Variants in UBASH3A observed in about 807,000 individuals in gnomAD.
The protein encoded by UBASH3A is ubiquitin-associated and SH3 domain-containing protein A.
In UBASH3A, 63 loss-of-function variants were observed where a neutral mutation model predicts 73.5. That is an observed-to-expected ratio of 0.86 (90% CI 0.70 to 1.06). The LOEUF (loss-of-function observed/expected upper bound fraction) is 1.06. Ranked by LOEUF, UBASH3A falls within the 50% of genes least tolerant of loss-of-function variation. The pLI, the probability that UBASH3A is intolerant of heterozygous loss-of-function variation, is 0.00. For missense variants in UBASH3A, 860 were observed against 859.0 expected (o/e 1.00, Z -0.02); for synonymous variants, 363 against 351.1 (o/e 1.03, Z -0.38).
intron 13 of UBASH3A, among the ~76,000 whole-genome samples, chr21:42,444,115 C>T (rs184020259): frequency 2.0e-5 from 3 of 152,348 alleles, no homozygotes; most frequent in East Asian, 3.9e-4. Flanking sequence ...GAGACCCACT[C>T]GGCCTGTGGT....
chr21:42,439,726 A>T (rs933267849), intron 11 of UBASH3A, among the ~76,000 whole-genome samples: 4 of 138,530 alleles, frequency 2.9e-5, no homozygotes, highest in African/African-American at 1.1e-4. Flanking sequence ...GCACACCCAC[A>T]CACCACACAC....
At chr21:42,428,493 A>T (rs1016679638) in intron 8 of UBASH3A, among the ~76,000 whole-genome samples, 3 of 152,072 alleles carry the variant, frequency 2.0e-5, no homozygotes, top group South Asian at 2.1e-4. Context: ...AAAAAGCTTT[A>T]AATGTTTTTA....
chr21:42,429,427 C>G (rs897997665), intron 8 of UBASH3A, among the ~76,000 whole-genome samples: 8 of 152,202 alleles, frequency 5.3e-5, no homozygotes, highest in Non-Finnish European at 1.0e-4. Context: ...TTTGCTTTAT[C>G]ATCATATTCC....
intron 2 of UBASH3A, among the ~76,000 whole-genome samples, chr21:42,407,572 A>C (rs2053003547): frequency 6.6e-6 from 1 of 152,246 alleles, no homozygotes. Flanking sequence ...CCAACCTCTC[A>C]CTAGTAACCA....
chr21:42,434,710 C>T, intron 9 of UBASH3A, 122 bp from the exon 10 acceptor site: 3 of 1,130,460 alleles, frequency 2.7e-6, no homozygotes, highest in Non-Finnish European at 3.7e-6. Flanking sequence ...AGAAACAACA[C>T]AGTTGACAAT....
intron 7 of UBASH3A, among the ~76,000 whole-genome samples, chr21:42,423,110 AG>A (rs2053369924): frequency 6.6e-6 from 1 of 152,250 alleles, no homozygotes; most frequent in Admixed American, 6.5e-5. Flanking sequence ...AGCTAGACAA[AG>A]CCAGGGCTGA....
Position 42,405,803 on chromosome 21 carries a change from T to A in UBASH3A, c.114-505T>A, listed in dbSNP as rs995668052. On this transcript the variant is annotated intron_variant, in intron 1 of 14. Coordinates refer to ENST00000319294, the MANE Select transcript of UBASH3A (RefSeq NM_018961.4). ...TGGTCTAGCAGGGGAGAGCCGTGGGTGCAAGGGGACTGTGTAAGCCGTAAC... is the reference window on the plus strand; with the variant it reads ...TGGTCTAGCAGGGGAGAGCCGTGGGAGCAAGGGGACTGTGTAAGCCGTAAC... Among the ~76,000 whole-genome samples, 4 of 151,992 alleles carry A rather than the reference T, an allele frequency of 2.6e-5. No homozygotes were observed. The South Asian group carries it at 6.2e-4, about 24-fold the overall frequency.
At chr21:42,429,565 T>G (rs752434220) in intron 8 of UBASH3A, among the ~76,000 whole-genome samples, 7 of 152,208 alleles carry the variant, frequency 4.6e-5, no homozygotes, top group Non-Finnish European at 8.8e-5. Context: ...CAGAATGAGT[T>G]TCCAAGAGCA....
Position 42,413,318 on chromosome 21 carries a change from G to T in UBASH3A, c.554-92G>T. 1.3e-6 allele frequency: 2 copies of T among 1,550,548 alleles called. No homozygotes were observed. The highest frequency in any genetic ancestry group is 1.8e-6 in the Non-Finnish European group (2 of 1,128,640). Reference sequence around the variant, plus strand: ...AGCCCCCGGCACATGGATGCAGTGGGTGGGTTCCAGGGGAGCAGAGCCCAG... The same window carrying T: ...AGCCCCCGGCACATGGATGCAGTGGTTGGGTTCCAGGGGAGCAGAGCCCAG... On this transcript the variant is annotated intron_variant, in intron 4 of 14. Transcript: ENST00000319294. The surrounding 1 kb of genome is among the most constrained non-coding windows in gnomAD (Gnocchi z 4.5).
rs1231565370 is a variant in UBASH3A, at chr21:42,446,163, C to A, written c.1849-894C>A. ...CTCCACCCACTCCTTGGACCCTTCA[C>A]CCCCTTCCATAGATGCCAATCTTGA... On this transcript the variant is annotated intron_variant, in intron 14 of 14. Coordinates refer to ENST00000319294, the MANE Select transcript of UBASH3A (RefSeq NM_018961.4). Among the ~76,000 whole-genome samples the A allele has an allele frequency of 8.5e-5, 13 of 152,330 alleles. No homozygotes were observed. In the East Asian group the frequency reaches 2.5e-3, roughly 29 times the overall value.
At chr21:42,432,571 T>C (rs1392994943) in intron 9 of UBASH3A, among the ~76,000 whole-genome samples, 3 of 152,352 alleles carry the variant, frequency 2.0e-5, no homozygotes, top group African/African-American at 7.2e-5. Context: ...AACCTCTGTA[T>C]TGATGATCAA....
At chr21:42,414,529 G>C (rs369011182) in intron 5 of UBASH3A, among the ~76,000 whole-genome samples, 49 of 152,204 alleles carry the variant, frequency 3.2e-4, no homozygotes, top group African/African-American at 1.1e-3. Context: ...CCAGGAACTT[G>C]GGAATGTGAC....
In UBASH3A at chr21:42,432,099, C is replaced by T. The variant is rs747885284; in HGVS notation, c.1171-4C>T. 3 of 1,607,792 alleles carry T rather than the reference C, an allele frequency of 1.9e-6. No homozygotes were observed. Among genetic ancestry groups the T allele is most frequent in the South Asian group, 1.1e-5 (1 of 90,384 alleles). On this transcript the variant is annotated splice_region_variant and splice_polypyrimidine_tract_variant and intron_variant, in intron 8 of 14. Transcript: ENST00000319294. ...TGTGCCTTGCTTCCTGCCCCACCCC[C>T]CAGGCTACCGTTGCAAGGAAGAGCG...
rs372395280 is a variant in UBASH3A, at chr21:42,447,152, G to A, written c.1944G>A (p.Ala648=). The A allele has an allele frequency of 1.8e-4, 293 of 1,614,168 alleles. 1 individual carries two copies. Among genetic ancestry groups the A allele is most frequent in the South Asian group, 1.5e-3 (134 of 91,078 alleles). The change falls in exon 15 of 15, where the codon GCG becomes GCA. Residue 648 remains alanine, a synonymous_variant. Transcript: ENST00000319294. The part of the protein sequence containing the change: ...NPPVKTLTHG[A]NAAFNWRNWI... ...CGGTGAAGACCCTGACCCACGGGGC[G>A]AACGCAGCATTTAACTGGAGGAACT...
intron 2 of UBASH3A, among the ~76,000 whole-genome samples, chr21:42,408,514 ACT>A (rs543027508): frequency 5.1e-4 from 77 of 152,214 alleles, no homozygotes; most frequent in African/African-American, 1.9e-3. Context: ...GCATTTTAAG[ACT>A]CTCAATACCT....
In UBASH3A at chr21:42,418,449, AC is replaced by A; in HGVS notation, c.887del (p.Thr296SerfsTer2). 6.2e-7 allele frequency: 1 copy of A among 1,614,258 alleles called. No homozygotes were observed. The highest frequency in any genetic ancestry group is 8.5e-7 in the Non-Finnish European group (1 of 1,180,040). ...CAAACCCCAGAACGTGGATGAGCTG[AC>A]GCTAAGTCCTGGTGACTACATCTTT... ...QYKPQNVDEL[T>X]LSPGDYIFVD... is the part of the protein sequence containing the mutation. On this transcript the variant is annotated frameshift_variant, in exon 7 of 15. Transcript: ENST00000319294. LOFTEE classifies it high-confidence loss of function.
At chr21:42,426,043 C>G (rs1287564688) in intron 7 of UBASH3A, among the ~76,000 whole-genome samples, 1 of 151,960 alleles carries the variant, frequency 6.6e-6, no homozygotes. Context: ...AGACTGTGAG[C>G]CTGGCAAGTG....
At position 42,413,122 on chromosome 21, in the gene UBASH3A, C is replaced by G; in HGVS notation, c.453C>G (p.His151Gln). 1 of 1,614,226 alleles carries G rather than the reference C, an allele frequency of 6.2e-7. No homozygotes were observed. The change falls in exon 4 of 15, where the codon CAC becomes CAG. Residue 151 changes from histidine to glutamine, a missense_variant. Physicochemically the swap from His to Gln is conservative, Grantham distance 24 (BLOSUM62 0). Coordinates refer to ENST00000319294, the MANE Select transcript of UBASH3A (RefSeq NM_018961.4). This position sits in a 1 kb window ranked among gnomAD's most constrained non-coding sequence, Gnocchi z 4.5. ...SFPTAVPLAL[H>Q]SSISYLGFFV... ...CCACGGCCGTGCCTCTGGCTCTCCA[C>G]TCCTCCATCAGCTACCTCGGCTTCT...
chr21:42,442,110 G>A (rs930539637), intron 11 of UBASH3A, among the ~76,000 whole-genome samples: 4 of 152,088 alleles, frequency 2.6e-5, no homozygotes, highest in Non-Finnish European at 4.4e-5. Context: ...GGATGCAGCC[G>A]GTGGGCTGGT....
Sources: gnomAD v4.1 joint callset for allele counts (sites outside exome capture counted in the v4.1 genomes callset) on GRCh38, gnomAD v4.1.1 for gene constraint, Gnocchi (gnomAD v3.1) non-coding constraint, MANE v1.5 for transcripts, NCBI Gene and HGNC (gene_info 2026-07-23, HGNC 2026-07-21) for gene names.